IGSF21: variants seen among roughly 807,000 people sequenced by gnomAD.
IGSF21 encodes the protein immunoglobin superfamily member 21.
A neutral mutation model predicts 46.8 loss-of-function variants in IGSF21; 28 were observed. That is an observed-to-expected ratio of 0.60 (90% confidence interval 0.44 to 0.82). The LOEUF (loss-of-function observed/expected upper bound fraction) is 0.82. Ranked by LOEUF, IGSF21 falls within the 40% of genes least tolerant of loss-of-function variation. IGSF21 has a pLI of 0.00. For missense variants in IGSF21, 624 were observed against 665.5 expected, an observed-to-expected ratio of 0.94 and a Z score of 0.69; for synonymous variants, 284 against 273.6, an observed-to-expected ratio of 1.04 and a Z score of -0.38.
At chr1:18,180,627 G>A (rs1291624085) in intron 1 of IGSF21, among the ~76,000 whole-genome samples, 1 of 152,222 alleles carries the variant, frequency 6.6e-6, no homozygotes, top group East Asian at 1.9e-4. Context: ...TCCAGGTTCA[G>A]CATTTCAGTT....
intron 4 of IGSF21, among the ~76,000 whole-genome samples, chr1:18,341,698 C>T (rs1430512752): frequency 2.0e-5 from 3 of 152,184 alleles, no homozygotes; most frequent in South Asian, 4.2e-4. Flanking sequence ...TGTGGCAGGG[C>T]AGGGGTATAT....
chr1:18,173,597 T>C (rs2175993), intron 1 of IGSF21, among the ~76,000 whole-genome samples: 141,120 of 152,296 alleles, frequency 0.93, 65,729 homozygotes, highest in East Asian at 1. Context: ...GGTCTGGCTT[T>C]GTTCACTTGG....
intron 3 of IGSF21, among the ~76,000 whole-genome samples, chr1:18,306,221 T>A (rs1392195901): frequency 6.6e-6 from 1 of 152,194 alleles, no homozygotes; most frequent in East Asian, 1.9e-4. Flanking sequence ...CCTCTTCAGC[T>A]TCCTAAACAT....
chr1:18,371,554 A>G (rs2086225112), intron 6 of IGSF21, among the ~76,000 whole-genome samples: 1 of 150,466 alleles, frequency 6.6e-6, no homozygotes, highest in African/African-American at 2.5e-5. Flanking sequence ...CCTAGGCAAT[A>G]GAGTAAGACT....
At chr1:18,327,899 T>C (rs1212870965) in intron 3 of IGSF21, among the ~76,000 whole-genome samples, 3 of 152,132 alleles carry the variant, frequency 2.0e-5, no homozygotes, top group Non-Finnish European at 1.5e-5. Flanking sequence ...AAGCAATTAA[T>C]AAAATTGAAA....
At chr1:18,278,425 G>C (rs1417509008) in intron 2 of IGSF21, among the ~76,000 whole-genome samples, 4 of 151,888 alleles carry the variant, frequency 2.6e-5, no homozygotes, top group African/African-American at 9.7e-5. Context: ...ATTTTTAGTA[G>C]AGATGGGGTT....
At chr1:18,182,973 G>T (rs1479621110) in intron 1 of IGSF21, among the ~76,000 whole-genome samples, 1 of 152,168 alleles carries the variant, frequency 6.6e-6, no homozygotes, top group Non-Finnish European at 1.5e-5. Context: ...TCCAGCAGAC[G>T]CGACATCACC....
intron 2 of IGSF21, among the ~76,000 whole-genome samples, chr1:18,288,971 C>T (rs535659684): frequency 6.6e-6 from 1 of 152,286 alleles, no homozygotes; most frequent in East Asian, 1.9e-4. Flanking sequence ...CTTGAAACTC[C>T]CCTGTCCCTC....
chr1:18,191,829 C>T (rs778159889), intron 1 of IGSF21, among the ~76,000 whole-genome samples: 33 of 152,178 alleles, frequency 2.2e-4, no homozygotes, highest in Non-Finnish European at 3.4e-4. Context: ...GGCATCTGCT[C>T]TTAGGGCAGT....
intron 2 of IGSF21, among the ~76,000 whole-genome samples, chr1:18,240,724 A>T (rs1271204042): frequency 3.3e-5 from 5 of 152,186 alleles, no homozygotes; most frequent in African/African-American, 4.8e-5. Flanking sequence ...TCAACCATGG[A>T]TGGGCTGTCT....
At chr1:18,143,312 C>T (rs1043521018) in intron 1 of IGSF21, among the ~76,000 whole-genome samples, 1 of 151,982 alleles carries the variant, frequency 6.6e-6, no homozygotes, top group Non-Finnish European at 1.5e-5. Flanking sequence ...CCTTTCAGGC[C>T]GGGACCCTCA....
At chr1:18,237,028 T>C (rs1481204294) in intron 2 of IGSF21, among the ~76,000 whole-genome samples, 1 of 152,198 alleles carries the variant, frequency 6.6e-6, no homozygotes, top group Non-Finnish European at 1.5e-5. Flanking sequence ...CCTTTGCAAG[T>C]AACATGAAGA....
chr1:18,306,261 A>G (rs1234169606), intron 3 of IGSF21, among the ~76,000 whole-genome samples: 1 of 152,114 alleles, frequency 6.6e-6, no homozygotes, highest in East Asian at 1.9e-4. Flanking sequence ...CCTTCTCGCC[A>G]AGCTTGTTCT....
chr1:18,108,614 T>C lies in IGSF21; in HGVS notation c.70+416T>C, dbSNP rs372666129. On this transcript the variant is annotated intron_variant, in intron 1 of 9. Transcript: ENST00000251296. ...CATGGAGAAGGTGTGTGTGTGAGAG[T>C]GTGAGCGAATGTTGGGGGGAGGGTG... Among the ~76,000 whole-genome samples the C allele has an allele frequency of 2.3e-4, 35 of 151,358 alleles. No individual in the cohort carries two copies. In the East Asian group the frequency reaches 6.3e-3, roughly 27 times the overall value.
intron 1 of IGSF21, among the ~76,000 whole-genome samples, chr1:18,139,465 C>T (rs1045757037): frequency 9.2e-5 from 14 of 152,198 alleles, no homozygotes; most frequent in Admixed American, 2.6e-4. Flanking sequence ...CCAGTGTCTT[C>T]GGCCTCCCAG....
At chr1:18,118,239 G>A (rs1334794743) in intron 1 of IGSF21, among the ~76,000 whole-genome samples, 1 of 152,188 alleles carries the variant, frequency 6.6e-6, no homozygotes, top group Non-Finnish European at 1.5e-5. Flanking sequence ...CCAGTCGTTG[G>A]TGCTTCCTTT....
chr1:18,353,578 T>TA (rs1336601414), intron 4 of IGSF21, among the ~76,000 whole-genome samples: 1 of 151,952 alleles, frequency 6.6e-6, no homozygotes, highest in East Asian at 1.9e-4. Flanking sequence ...GTGAAGAAAA[T>TA]ATACAAAATG....
intron 3 of IGSF21, among the ~76,000 whole-genome samples, chr1:18,314,399 C>A (rs1414630707): frequency 1.3e-5 from 2 of 152,084 alleles, no homozygotes; most frequent in African/African-American, 4.8e-5. Flanking sequence ...TGACTCACTC[C>A]CCTGAGGTTA....
intron 6 of IGSF21, among the ~76,000 whole-genome samples, chr1:18,371,431 G>T (rs1315731760): frequency 1.3e-5 from 2 of 152,156 alleles, no homozygotes; most frequent in Non-Finnish European, 1.5e-5. Context: ...AATTAGCTGG[G>T]TATGGTAGCT....
Sources: allele counts gnomAD v4.1 joint callset (sites outside exome capture counted in the v4.1 genomes callset), GRCh38; gene constraint gnomAD v4.1.1; transcripts MANE v1.5; gene names NCBI Gene and HGNC (gene_info 2026-07-23, HGNC 2026-07-21).